The following KANK4 variants were observed in gnomAD, a reference collection of about 807,000 sequenced individuals.
KANK4 encodes the protein KN motif and ankyrin repeat domains 4.
A neutral mutation model predicts 80.8 loss-of-function variants in KANK4; 50 were observed. The ratio of observed to expected loss-of-function variants is 0.62; its 90% CI spans 0.49 to 0.78. The LOEUF is 0.78. Among genes scored for constraint, KANK4 ranks in the 30% least tolerant of loss-of-function variants. The pLI is 0.00. For synonymous variants in KANK4, 465 were observed against 506.9 expected, an observed-to-expected ratio of 0.92 and a Z score of 1.11; for missense variants, 1,196 against 1,240.1, an observed-to-expected ratio of 0.96 and a Z score of 0.53.
intron 9 of KANK4, among the ~76,000 whole-genome samples, chr1:62,244,148 C>T (rs570302442): frequency 6.6e-6 from 1 of 152,126 alleles, no homozygotes; most frequent in South Asian, 2.1e-4. Flanking sequence ...CCCAAAGGAA[C>T]CTACCCAAAG....
chr1:62,259,663 G>A (rs1671832319), intron 7 of KANK4, among the ~76,000 whole-genome samples: 1 of 150,748 alleles, frequency 6.6e-6, no homozygotes, highest in African/African-American at 2.4e-5. Context: ...TCACTTTCAT[G>A]GTCTGTAAAG....
intron 8 of KANK4, among the ~76,000 whole-genome samples, chr1:62,250,372 A>G (rs1340149978): frequency 6.6e-6 from 1 of 152,054 alleles, no homozygotes; most frequent in Non-Finnish European, 1.5e-5. Flanking sequence ...TTCCTTCCTC[A>G]TTGTCCTCCC....
At chr1:62,254,880 ATTTTTTTTTT>A (rs3066333) in intron 7 of KANK4, among the ~76,000 whole-genome samples, 2 of 65,730 alleles carry the variant, frequency 3.0e-5, no homozygotes, top group African/African-American at 1.3e-4. Flanking sequence ...TAAACCTGGT[ATTTTTTTTTT>A]TTTTTTTTTT....
intron 1 of KANK4, among the ~76,000 whole-genome samples, chr1:62,300,836 A>C (rs1325741): frequency 3.7e-4 from 56 of 152,090 alleles, no homozygotes; most frequent in African/African-American, 1.3e-3. Flanking sequence ...AGAATGAACA[A>C]CTGACTTCAA....
Position 62,237,500 on chromosome 1 carries a change from T to A in KANK4, c.*777A>T, listed in dbSNP as rs1325653126. On this transcript the variant is annotated 3_prime_UTR_variant, in exon 10 of 10. Coordinates refer to ENST00000371153, the MANE Select transcript of KANK4 (RefSeq NM_181712.5). ...CTGAGAGAATCTGACTCTGCCCAAA[T>A]ACATGTGGTGTGTGTCATTGGATTG... is the stretch of plus-strand genomic sequence containing the variant. The A allele has an allele frequency of 2.0e-5, 3 of 152,142 alleles. No individual in the cohort carries two copies. Among genetic ancestry groups the A allele is most frequent in the African/African-American group, 7.2e-5 (3 of 41,442 alleles). 9.4% of individuals were successfully genotyped at this position (152,142 alleles called of 1,614,324 possible). A position where few individuals can be genotyped will look rare whatever the true frequency, so the allele number is the denominator to read the frequency against.
chr1:62,312,531 C>T (rs1238689447), intron 1 of KANK4, among the ~76,000 whole-genome samples: 1 of 152,194 alleles, frequency 6.6e-6, no homozygotes, highest in Non-Finnish European at 1.5e-5. Flanking sequence ...TTTCTGAGTT[C>T]CAGCTCACCC....
chr1:62,298,240 G>A (rs916247421), intron 1 of KANK4: 4 of 152,128 alleles, frequency 2.6e-5, no homozygotes, highest in Non-Finnish European at 4.4e-5. Flanking sequence ...TGGTATATTT[G>A]CTGCTGAAGT....
intron 1 of KANK4, among the ~76,000 whole-genome samples, chr1:62,282,713 C>T (rs1280446942): frequency 2.0e-5 from 3 of 152,242 alleles, no homozygotes; most frequent in Admixed American, 6.5e-5. Flanking sequence ...CCTGCGAGTG[C>T]TGCTTCTGCC....
chr1:62,263,531 AG>A (rs1233575776), intron 6 of KANK4: 4 of 541,908 alleles, frequency 7.4e-6, no homozygotes, highest in African/African-American at 1.9e-5. Flanking sequence ...GAAGACTGGG[AG>A]GACAGCCTAG....
At position 62,273,654 on chromosome 1, in the gene KANK4, C is replaced by A. The variant is rs142004576; in HGVS notation, c.1450G>T (p.Glu484Ter). 1.2e-6 allele frequency: 2 copies of A among 1,614,112 alleles called. No homozygotes were observed. The highest frequency in any genetic ancestry group is 1.7e-6 in the Non-Finnish European group (2 of 1,180,020). Residue 484 changes from glutamate to a stop codon, truncating the protein, a stop_gained, in exon 3 of 10, where the codon GAG becomes TAG. Coordinates refer to ENST00000371153, the MANE Select transcript of KANK4 (RefSeq NM_181712.5). LOFTEE classifies it high-confidence loss of function. ...TGTACAGAGGAGGTAAGGACCTGCT[C>A]GGGTCCCTGTGGCAGTGACAGCTGG... ...LPQLSLPQGP[E>*]QVLTSSVHSF... is the part of the protein sequence containing the mutation.
chr1:62,305,617 G>T (rs961824421), intron 1 of KANK4, among the ~76,000 whole-genome samples: 1 of 151,800 alleles, frequency 6.6e-6, no homozygotes, highest in South Asian at 2.1e-4. Context: ...GCCCCTGCTT[G>T]AGATTTTAAT....
At position 62,256,041 on chromosome 1, in the gene KANK4, C is replaced by T. The variant is rs1407121855; in HGVS notation, c.2540-2832G>A. On this transcript the variant is annotated intron_variant, in intron 7 of 9. Coordinates refer to ENST00000371153, the MANE Select transcript of KANK4 (RefSeq NM_181712.5). ...GGACAGCTTTGAATGTGGCCCAACA[C>T]AAATTCATAAAGTTTCTTAAAGCAT... Among the ~76,000 whole-genome samples the T allele has an allele frequency of 4.6e-5, 7 of 152,310 alleles. No homozygotes were observed. In the East Asian group the frequency reaches 1.4e-3, roughly 29 times the overall value.
intron 1 of KANK4, among the ~76,000 whole-genome samples, chr1:62,300,908 CT>C (rs1434453641): frequency 2.0e-5 from 3 of 152,108 alleles, no homozygotes; most frequent in Non-Finnish European, 4.4e-5. Context: ...CTAAATGCTC[CT>C]TTTATTTATT....
intron 7 of KANK4, among the ~76,000 whole-genome samples, chr1:62,261,973 T>C (rs1477059689): frequency 6.6e-6 from 1 of 152,166 alleles, no homozygotes; most frequent in Non-Finnish European, 1.5e-5. Flanking sequence ...CCATCCCAAT[T>C]GCTAGGCTGT....
chr1:62,237,131 C>CA lies in KANK4; in HGVS notation c.*1145_*1146insT, dbSNP rs1671221542. On this transcript the variant is annotated 3_prime_UTR_variant, in exon 10 of 10. Transcript: ENST00000371153. The stretch of plus-strand genomic sequence containing the variant: ...ACATTACTTCTTTTTATATAAGGGG[C>CA]TTTTTTTTTTTTTTTTTGCATAAGA... 8.2e-6 allele frequency: 1 copy of CA among 121,908 alleles called. No homozygotes were observed. The allele number at this position is 121,908 out of a possible 1,614,324, so 7.6% of individuals were successfully genotyped here.
chr1:62,256,877 G>T (rs554065943), intron 7 of KANK4, among the ~76,000 whole-genome samples: 2 of 152,286 alleles, frequency 1.3e-5, no homozygotes, highest in Admixed American at 1.3e-4. Flanking sequence ...TCCTGATACG[G>T]AAGTGAACGT....
At chr1:62,290,615 G>A (rs1326702408) in intron 1 of KANK4, among the ~76,000 whole-genome samples, 1 of 152,188 alleles carries the variant, frequency 6.6e-6, no homozygotes, top group Non-Finnish European at 1.5e-5. Context: ...GAAAGGGCAA[G>A]GATCATATTT....
rs746009446 is a variant in KANK4, at chr1:62,263,083, A to G, written c.2539+9T>C. 3.7e-6 allele frequency: 6 copies of G among 1,603,278 alleles called. No homozygotes were observed. ...GGACCCAGACTGTATGAATGCAACC[A>G]CTTCTGACCTGTCTCCAGCAGCAGC... On this transcript the variant is annotated intron_variant, in intron 7 of 9. Coordinates refer to ENST00000371153, the MANE Select transcript of KANK4 (RefSeq NM_181712.5).
At chr1:62,308,997 C>T (rs1036122703) in intron 1 of KANK4, among the ~76,000 whole-genome samples, 1 of 152,188 alleles carries the variant, frequency 6.6e-6, no homozygotes, top group Non-Finnish European at 1.5e-5. Context: ...TCAATCCTCA[C>T]CTCCAGGATA....
Sources: gnomAD v4.1 joint callset for allele counts (sites outside exome capture counted in the v4.1 genomes callset) on GRCh38, gnomAD v4.1.1 for gene constraint, MANE v1.5 for transcripts, NCBI Gene and HGNC (gene_info 2026-07-23, HGNC 2026-07-21) for gene names.